The following AGRN variants were observed in gnomAD, a reference collection of about 807,000 sequenced individuals.
AGRN encodes agrin proteoglycan.
AGRN carries 106 observed loss-of-function variants against 211.0 expected under a neutral mutation model. That is an observed-to-expected ratio of 0.50 (90% CI 0.43 to 0.59). AGRN has a LOEUF of 0.59. Among genes scored for constraint, AGRN ranks in the 20% least tolerant of loss-of-function variants. The pLI is 0.00. For synonymous variants in AGRN, 1,525 were observed against 1,332.5 expected, an observed-to-expected ratio of 1.14 and a Z score of -3.15; for missense variants, 3,040 against 2,982.6, an observed-to-expected ratio of 1.02 and a Z score of -0.45.
chr1:1,020,495 C>T, intron 1 of AGRN, 122 bp downstream of exon 1: 2 of 970,150 alleles, frequency 2.1e-6, no homozygotes, highest in Non-Finnish European at 1.4e-6. Flanking sequence ...CCCTTGGCGA[C>T]CGCCAAGCCC....
chr1:1,051,326 G>T lies in AGRN; in HGVS notation c.5327G>T (p.Arg1776Leu), dbSNP rs757621899. The change falls in exon 31 of 36, where the codon CGT becomes CTT. Residue 1776 changes from arginine to leucine, a missense_variant. Physicochemically the swap from Arg to Leu is moderately radical, Grantham distance 102. Transcript: ENST00000379370. ...GCTCCCGACTTCAGCAAGCTGGCCC[G>T]TGCTGCTGCCGTGTCCTCTGGCTTC... ...GGAPDFSKLA[R>L]AAAVSSGFDG... 1.3e-6 allele frequency: 2 copies of T among 1,568,548 alleles called. No homozygotes were observed. Among genetic ancestry groups the T allele is most frequent in the Non-Finnish European group, 1.7e-6 (2 of 1,157,578 alleles).
Position 1,042,130 on chromosome 1 carries a change from G to A in AGRN, c.1352G>A (p.Arg451His), listed in dbSNP as rs760216957. ...WRQQAECRQQ[R>H]AIPSKHQGPC... The stretch of plus-strand genomic sequence containing the variant: ...CAGCAGGCTGAGTGCCGGCAGCAGC[G>A]TGCCATCCCCAGCAAGCACCAGGGC... Residue 451 changes from arginine to histidine, a missense_variant, in exon 7 of 36, where the codon CGT (arginine) becomes CAT (histidine). By Grantham distance (29) the Arg-to-His change is conservative (BLOSUM62 0). This residue lies in a region of AGRN where 1,498 missense variants were observed against 1,457.8 expected (regional missense o/e 1.03). Coordinates refer to ENST00000379370, the MANE Select transcript of AGRN (RefSeq NM_198576.4). 2.2e-5 allele frequency: 35 copies of A among 1,599,860 alleles called. No homozygotes were observed. In the East Asian group the frequency reaches 4.2e-4, roughly 19 times the overall value.
Position 1,047,647 on chromosome 1 carries a change from C to G in AGRN, c.3591C>G (p.Gly1197=), listed in dbSNP as rs1188800320. 6.2e-7 allele frequency: 1 copy of G among 1,612,966 alleles called. No homozygotes were observed. Among genetic ancestry groups the G allele is most frequent in the Non-Finnish European group, 8.5e-7 (1 of 1,180,032 alleles). ...RSVRLRDLGP[G]KSVRAIVDVH... is the part of the protein sequence containing the mutation. Reference sequence around the variant, plus strand: ...TCCGCTTGCGGGACCTGGGGCCCGGCAAATCCGTCCGCGCCATTGTGGATG... The same window carrying G: ...TCCGCTTGCGGGACCTGGGGCCCGGGAAATCCGTCCGCGCCATTGTGGATG... Residue 1197 remains glycine, a synonymous_variant, in exon 21 of 36, where the codon GGC becomes GGG. Coordinates refer to ENST00000379370, the MANE Select transcript of AGRN (RefSeq NM_198576.4).
chr1:1,027,472 C>G (rs1242392439), intron 2 of AGRN, among the ~76,000 whole-genome samples: 1 of 152,188 alleles, frequency 6.6e-6, no homozygotes, highest in East Asian at 1.9e-4. Flanking sequence ...GTGCACGTGT[C>G]TCGCCTCAGC....
chr1:1,048,651 T>C lies in AGRN; in HGVS notation c.4106-216T>C, dbSNP rs1349186617. 1.6e-6 allele frequency: 1 copy of C among 628,178 alleles called. No individual in the cohort carries two copies. The highest frequency in any genetic ancestry group is 1.9e-5 in the African/African-American group (1 of 52,360). 38.9% of individuals were successfully genotyped at this position (628,178 alleles called of 1,614,324 possible). A position where few individuals can be genotyped will look rare whatever the true frequency, so the allele number is the denominator to read the frequency against. ...CGGGCGTGGTGGTGGGCGCCTGTAA[T>C]CCCACCTCGTGAGGCTGAGGCAGGA... is the stretch of plus-strand genomic sequence containing the variant. On this transcript the variant is annotated intron_variant, in intron 23 of 35. Transcript: ENST00000379370. This position sits in a 1 kb window ranked among gnomAD's most constrained non-coding sequence, Gnocchi z 5.9.
intron 1 of AGRN, among the ~76,000 whole-genome samples, chr1:1,020,869 A>T (rs1318005331): frequency 1.5e-5 from 2 of 131,544 alleles, no homozygotes; most frequent in South Asian, 5.2e-4. Flanking sequence ...GTGCAGGAGC[A>T]GAGAGGTGGG....
chr1:1,034,295 T>C, intron 2 of AGRN: 1 of 985,366 alleles, frequency 1.0e-6, no homozygotes, highest in Non-Finnish European at 1.2e-6. Context: ...GGGCTCCCAG[T>C]CCCTCCTCCG....
Position 1,041,960 on chromosome 1 carries a change from G to T in AGRN, c.1182G>T (p.Gln394His), listed in dbSNP as rs1343857691. Residue 394 changes from glutamine to histidine, a missense_variant, in exon 7 of 36, where the codon CAG becomes CAT. By Grantham distance (24) the Gln-to-His change is conservative. Coordinates refer to ENST00000379370, the MANE Select transcript of AGRN (RefSeq NM_198576.4). ...TCCCTCACCCCTGCGTCCTAGACCA[G>T]TGCCCGGAGCCCTGCCGGTTCAATG... ...VRSGQCQGRD[Q>H]CPEPCRFNAV... The T allele has an allele frequency of 1.6e-5, 25 of 1,611,816 alleles. No individual in the cohort carries two copies. Among genetic ancestry groups the T allele is most frequent in the Non-Finnish European group, 2.1e-5 (25 of 1,179,648 alleles).
rs541301321 is a variant in AGRN, at chr1:1,025,387, C to T, written c.463+2925C>T. Reference sequence around the variant, plus strand: ...GGGGAAGCCCAGAGTCCCACGGCACCGGGGACAGCATCGGTGCTGGGGTTG... The same window carrying T: ...GGGGAAGCCCAGAGTCCCACGGCACTGGGGACAGCATCGGTGCTGGGGTTG... On this transcript the variant is annotated intron_variant, in intron 2 of 35. Transcript: ENST00000379370. Among the ~76,000 whole-genome samples, 310 of 152,288 alleles carry T rather than the reference C, an allele frequency of 2.0e-3. 1 individual carries two copies. The highest frequency in any genetic ancestry group is 6.9e-3 in the African/African-American group (287 of 41,550).
In AGRN at chr1:1,054,525, T is replaced by A; in HGVS notation, c.5954T>A (p.Leu1985Gln). Reference protein sequence around the residue: ...TGSSPLGATQLDTDGALWLGG... With the variant: ...TGSSPLGATQQDTDGALWLGG... ...TCCTCCCCGCTGGGCGCCACGCAGC[T>A]GGACACTGATGGAGCCCTGTGGCTT... is the stretch of plus-strand genomic sequence containing the variant. The change falls in exon 35 of 36, where the codon CTG becomes CAG. Residue 1985 changes from leucine (L) to glutamine (Q), a missense_variant. This residue lies in a region of AGRN where 1,537 missense variants were observed against 1,505.0 expected (regional missense o/e 1.02). Coordinates refer to ENST00000379370, the MANE Select transcript of AGRN (RefSeq NM_198576.4). The A allele has an allele frequency of 2.5e-6, 4 of 1,600,952 alleles. No individual in the cohort carries two copies. Among genetic ancestry groups the A allele is most frequent in the Non-Finnish European group, 3.4e-6 (4 of 1,174,970 alleles).
At position 1,040,517 on chromosome 1, in the gene AGRN, C is replaced by A. The variant is rs115577723; in HGVS notation, c.512-148C>A. On this transcript the variant is annotated intron_variant, in intron 3 of 35. Coordinates refer to ENST00000379370, the MANE Select transcript of AGRN (RefSeq NM_198576.4). ...GGGCAGGGCCGGTCCTGTGAGCGCA[C>A]GCACGCGTGTCCGTGTCCGTGGTGG... 1.3e-3 allele frequency: 1,280 copies of A among 966,392 alleles called. 9 individuals are homozygous for A. The African/African-American group carries it at 0.018, about 14-fold the overall frequency. 59.9% of individuals were successfully genotyped at this position (966,392 alleles called of 1,614,324 possible).
At position 1,031,742 on chromosome 1, in the gene AGRN, C is replaced by G. The variant is rs553085286; in HGVS notation, c.464-3535C>G. Among the ~76,000 whole-genome samples the G allele has an allele frequency of 6.6e-6, 1 of 152,204 alleles. No individual in the cohort carries two copies. The highest frequency in any genetic ancestry group is 1.5e-5 in the Non-Finnish European group (1 of 68,030). On this transcript the variant is annotated intron_variant, in intron 2 of 35. Transcript: ENST00000379370. This position sits in a 1 kb window ranked among gnomAD's most constrained non-coding sequence, Gnocchi z 4.8. ...CCTCTGCCAGCCCGTACCTGGGGCT[C>G]CCCCACCCCTCCCACATTGTGGTAC...
At chr1:1,028,139 G>A (rs1296125374) in intron 2 of AGRN, among the ~76,000 whole-genome samples, 2 of 152,180 alleles carry the variant, frequency 1.3e-5, no homozygotes, top group Non-Finnish European at 2.9e-5. Flanking sequence ...GGAAGGAGCT[G>A]TGCATTGAGG....
rs945567081 is a variant in AGRN, at chr1:1,039,414, G to GGT, written c.512-1250_512-1249insTG. 4.0e-5 allele frequency among the ~76,000 whole-genome samples: 6 copies of GGT among 151,698 alleles called. No homozygotes were observed. The South Asian group carries it at 6.3e-4, about 16-fold the overall frequency. On this transcript the variant is annotated intron_variant, in intron 3 of 35. Coordinates refer to ENST00000379370, the MANE Select transcript of AGRN (RefSeq NM_198576.4). ...GTGCACCCACCCTCCTTGGAGATGG[G>GGT]GGGGGTTCCTCCTGCCCCATTTCAC...
At chr1:1,027,666 T>C (rs1280342958) in intron 2 of AGRN, among the ~76,000 whole-genome samples, 1 of 152,196 alleles carries the variant, frequency 6.6e-6, no homozygotes, top group African/African-American at 2.4e-5. Context: ...GAGAGGGTCC[T>C]GGGTCACAGT....
At chr1:1,049,832 C>G in intron 26 of AGRN, 37 bp downstream of exon 26, 1 of 1,609,884 alleles carries the variant, frequency 6.2e-7, no homozygotes, top group Non-Finnish European at 8.5e-7. Flanking sequence ...AGTGGGACCC[C>G]GGGGCCTGTG....
chr1:1,034,010 C>G, intron 2 of AGRN: 1 of 615,490 alleles, frequency 1.6e-6, no homozygotes. Context: ...TCCCCAGCCC[C>G]GCGGGGACGA....
rs1557701176 is a variant in AGRN, at chr1:1,041,549, A to G, written c.1024A>G (p.Met342Val). 51 of 1,607,658 alleles carry G rather than the reference A, an allele frequency of 3.2e-5. No individual in the cohort carries two copies. The highest frequency in any genetic ancestry group is 4.3e-5 in the Non-Finnish European group (51 of 1,179,208). ...GAACCCGCGCACGCGGCGCCCTGAG[A>G]TGCTCCTACGGCCCGAGAGCTGCCC... ...RVNPRTRRPEMLLRPESCPAR... is the reference protein window; with the variant it reads ...RVNPRTRRPEVLLRPESCPAR... Residue 342 changes from methionine (M) to valine (V), a missense_variant, in exon 6 of 36, where the codon ATG (methionine) becomes GTG (valine). By Grantham distance (21) the Met-to-Val change is conservative (BLOSUM62 1). Coordinates refer to ENST00000379370, the MANE Select transcript of AGRN (RefSeq NM_198576.4).
At position 1,022,422 on chromosome 1, in the gene AGRN, C is replaced by T; in HGVS notation, c.423C>T (p.Ile141=). The change falls in exon 2 of 36, where the codon ATC becomes ATT. Residue 141 remains isoleucine (I), a synonymous_variant. Transcript: ENST00000379370. ...ELMLNSSLMR[I]TLRNLEEVEF... is the part of the protein sequence containing the mutation. ...TGCTCAACTCCAGCCTCATGCGGAT[C>T]ACCCTGCGGAACCTGGAGGAGGTGG... is the stretch of plus-strand genomic sequence containing the variant. The T allele has an allele frequency of 1.2e-6, 2 of 1,612,850 alleles. No homozygotes were observed. The highest frequency in any genetic ancestry group is 1.7e-6 in the Non-Finnish European group (2 of 1,179,518).
Sources: allele counts gnomAD v4.1 joint callset (sites outside exome capture counted in the v4.1 genomes callset), GRCh38; gene constraint gnomAD v4.1.1; regional missense constraint gnomAD v4.1.1; non-coding constraint Gnocchi (gnomAD v3.1); transcripts MANE v1.5; gene names NCBI Gene and HGNC (gene_info 2026-07-23, HGNC 2026-07-21).